The following CTHRC1 variants were observed in gnomAD, a reference collection of about 807,000 sequenced individuals.
The protein encoded by CTHRC1 is collagen triple helix repeat-containing protein 1.
CTHRC1 carries 21 observed loss-of-function variants against 25.9 expected under a neutral mutation model. The observed-to-expected ratio is 0.81, with a 90% CI of 0.57 to 1.17. The LOEUF is 1.17. Ranked by LOEUF, CTHRC1 falls within the 50% of genes most tolerant of loss-of-function variation. The pLI is 0.00. For synonymous variants in CTHRC1, 109 were observed against 113.1 expected (o/e 0.96, Z 0.23); for missense variants, 281 against 304.3 (o/e 0.92, Z 0.57).
Position 103,371,548 on chromosome 8 carries a change from T to A in CTHRC1, c.-109T>A. The A allele has an allele frequency of 1.6e-6, 2 of 1,225,900 alleles. No homozygotes were observed. The highest frequency in any genetic ancestry group is 2.8e-5 in the South Asian group (2 of 71,550). 75.9% of individuals were successfully genotyped at this position (1,225,900 alleles called of 1,614,324 possible). A position where few individuals can be genotyped will look rare whatever the true frequency, so the allele number is the denominator to read the frequency against. On this transcript the variant is annotated 5_prime_UTR_variant, in exon 1 of 4. In the 5' UTR this introduces an upstream ATG that the reference lacks. Transcript: ENST00000330295. Reference sequence around the variant, plus strand: ...GAGAGGCGCGCGGGTGAAAGGCGCATTGATGCAGCCTGCGGCGGCCTCGGA... The same window carrying A: ...GAGAGGCGCGCGGGTGAAAGGCGCAATGATGCAGCCTGCGGCGGCCTCGGA...
intron 2 of CTHRC1, among the ~76,000 whole-genome samples, chr8:103,376,568 G>C (rs1815810783): frequency 6.6e-6 from 1 of 152,210 alleles, no homozygotes; most frequent in Non-Finnish European, 1.5e-5. Context: ...TTTGATTAGT[G>C]TTTGCTTCAA....
intron 1 of CTHRC1, among the ~76,000 whole-genome samples, chr8:103,375,189 T>C (rs1815783301): frequency 6.6e-6 from 1 of 152,210 alleles, no homozygotes; most frequent in Non-Finnish European, 1.5e-5. Flanking sequence ...CAGTACAAGA[T>C]AATTATTGAC....
chr8:103,382,623 C>T lies in CTHRC1; in HGVS notation c.*23C>T, dbSNP rs767725797. 12 of 1,592,080 alleles carry T rather than the reference C, an allele frequency of 7.5e-6. No individual in the cohort carries two copies. The African/African-American group carries it at 8.1e-5, about 11-fold the overall frequency. On this transcript the variant is annotated 3_prime_UTR_variant, in exon 4 of 4. Coordinates refer to ENST00000330295, the MANE Select transcript of CTHRC1 (RefSeq NM_138455.4). Reference sequence around the variant, plus strand: ...TAAATGCTTTAATTTTCATTTGCTACCTCTTTTTTTATTATGCCTTGGAAT... The same window carrying T: ...TAAATGCTTTAATTTTCATTTGCTATCTCTTTTTTTATTATGCCTTGGAAT...
rs202192964 is a variant in CTHRC1 at position 103,371,660 on chromosome 8, C to T, written c.4C>T (p.Arg2Ter). 7 of 1,533,926 alleles carry T rather than the reference C, an allele frequency of 4.6e-6. No individual in the cohort carries two copies. In the South Asian group the frequency reaches 6.1e-5, roughly 13 times the overall value. Residue 2 changes from arginine to a stop codon, truncating the protein, a stop_gained, in exon 1 of 4, where the codon CGA becomes TGA. Coordinates refer to ENST00000330295, the MANE Select transcript of CTHRC1 (RefSeq NM_138455.4). LOFTEE classifies it high-confidence loss of function. The part of the protein sequence containing the change: M[R>*]PQGPAASPQR... ...CGCTGCCCGGCAGCCGGGAGCCATG[C>T]GACCCCAGGGCCCCGCCGCCTCCCC...
At chr8:103,380,868 GC>G (rs1272700373) in intron 3 of CTHRC1, among the ~76,000 whole-genome samples, 1 of 152,146 alleles carries the variant, frequency 6.6e-6, no homozygotes, top group East Asian at 1.9e-4. Context: ...GGGATTGTGG[GC>G]CTACTATTTA....
rs772240481 is a variant in CTHRC1, at chr8:103,371,691, G to A, written c.35G>A (p.Arg12Gln). ...CAGGGCCCCGCCGCCTCCCCGCAGC[G>A]GCTCCGCGGCCTCCTGCTGCTCCTG... Reference protein sequence around the residue: ...RPQGPAASPQRLRGLLLLLLL... With the variant: ...RPQGPAASPQQLRGLLLLLLL... The change falls in exon 1 of 4, where the codon CGG (arginine) becomes CAG (glutamine). Residue 12 changes from arginine (R) to glutamine (Q), a missense_variant. Coordinates refer to ENST00000330295, the MANE Select transcript of CTHRC1 (RefSeq NM_138455.4). 6.5e-6 allele frequency: 10 copies of A among 1,533,138 alleles called. No homozygotes were observed. Among genetic ancestry groups the A allele is most frequent in the African/African-American group, 4.3e-5 (3 of 70,374 alleles). The allele number at this position is 1,533,138 out of a possible 1,614,324, so 95.0% of individuals were successfully genotyped here.
At chr8:103,376,812 T>C (rs1029753758) in intron 2 of CTHRC1, among the ~76,000 whole-genome samples, 13 of 152,264 alleles carry the variant, frequency 8.5e-5, no homozygotes, top group African/African-American at 2.7e-4. Context: ...TTCTGCTCTA[T>C]TAAGAGTTTG....
At position 103,375,890 on chromosome 8, in the gene CTHRC1, C is replaced by CT. The variant is rs750617028; in HGVS notation, c.304dup (p.Trp102LeufsTer34). ...GTCTGAGGGAAAGCTTTGAGGAGTC[C>CT]TGGACACCCAACTACAAGCAGTGTT... is the stretch of plus-strand genomic sequence containing the variant. On this transcript the variant is annotated frameshift_variant, in exon 2 of 4. Transcript: ENST00000330295. LOFTEE classifies it high-confidence loss of function. The CT allele has an allele frequency of 1.2e-6, 2 of 1,614,058 alleles. No homozygotes were observed. The highest frequency in any genetic ancestry group is 1.7e-6 in the Non-Finnish European group (2 of 1,179,998).
In CTHRC1 at chr8:103,371,740, G is replaced by A. The variant is rs1188037522; in HGVS notation, c.84G>A (p.Ser28=). 3 of 1,535,072 alleles carry A rather than the reference G, an allele frequency of 2.0e-6. No individual in the cohort carries two copies. Among genetic ancestry groups the A allele is most frequent in the Admixed American group, 2.0e-5 (1 of 49,926 alleles). ...LLLLLQLPAP[S]SASEIPKGKQ... Reference sequence around the variant, plus strand: ...TGCTGCTGCAGCTGCCCGCGCCGTCGAGCGCCTCTGAGATCCCCAAGGGGA... The same window carrying A: ...TGCTGCTGCAGCTGCCCGCGCCGTCAAGCGCCTCTGAGATCCCCAAGGGGA... Residue 28 remains serine (S), a synonymous_variant, in exon 1 of 4, where the codon TCG becomes TCA. Coordinates refer to ENST00000330295, the MANE Select transcript of CTHRC1 (RefSeq NM_138455.4).
Position 103,382,480 on chromosome 8 carries a change from T to G in CTHRC1, c.612T>G (p.Ile204Met). 6.2e-7 allele frequency: 1 copy of G among 1,613,850 alleles called. No individual in the cohort carries two copies. The highest frequency in any genetic ancestry group is 8.5e-7 in the Non-Finnish European group (1 of 1,179,828). The change falls in exon 4 of 4, where the codon ATT (isoleucine) becomes ATG (methionine). Residue 204 changes from isoleucine to methionine, a missense_variant. Ile to Met is a conservative substitution (Grantham distance 10, BLOSUM62 1). Transcript: ENST00000330295. Reference protein sequence around the residue: ...TSSVEGLCEGIGAGLVDVAIW... With the variant: ...TSSVEGLCEGMGAGLVDVAIW... ...CAGTGGAAGGACTTTGTGAAGGAAT[T>G]GGTGCTGGATTAGTGGATGTTGCTA...
At chr8:103,378,310 A>G in intron 3 of CTHRC1, 67 bp downstream of exon 3, 3 of 1,304,880 alleles carry the variant, frequency 2.3e-6, no homozygotes, top group African/African-American at 2.9e-5. Context: ...GAGTCCCACT[A>G]TCATGTTGGT....
At chr8:103,371,933 T>G (rs1815712339) in intron 1 of CTHRC1, 127 bp downstream of exon 1, 1 of 941,776 alleles carries the variant, frequency 1.1e-6, no homozygotes, top group Middle Eastern at 3.5e-4. Context: ...TCGTGTGTCT[T>G]GCTGCGCCGG....
rs1050683688 is a variant in CTHRC1, at chr8:103,375,756, C to T, written c.169C>T (p.Gln57Ter). 1 of 1,613,878 alleles carries T rather than the reference C, an allele frequency of 6.2e-7. No homozygotes were observed. The highest frequency in any genetic ancestry group is 8.5e-7 in the Non-Finnish European group (1 of 1,179,960). Residue 57 changes from glutamine (Q) to a stop codon, truncating the protein, a stop_gained, in exon 2 of 4, where the codon CAA becomes TAA. Coordinates refer to ENST00000330295, the MANE Select transcript of CTHRC1 (RefSeq NM_138455.4). LOFTEE classifies it high-confidence loss of function. Reference protein sequence around the residue: ...VVDLYNGMCLQGPAGVPGRDG... With the variant: ...VVDLYNGMCL ...ATTATAGTATAATGGAATGTGCTTA[C>T]AAGGGCCAGCAGGAGTGCCTGGTCG... is the stretch of plus-strand genomic sequence containing the variant.
chr8:103,377,095 A>G (rs1368089529), intron 2 of CTHRC1: 2 of 152,242 alleles, frequency 1.3e-5, no homozygotes, highest in South Asian at 2.1e-4. Flanking sequence ...GTAACCTTCT[A>G]TGAGTAAAGG....
At position 103,382,445 on chromosome 8, in the gene CTHRC1, C is replaced by G. The variant is rs145549155; in HGVS notation, c.590-13C>G. 53 of 1,613,524 alleles carry G rather than the reference C, an allele frequency of 3.3e-5. No homozygotes were observed. The African/African-American group carries it at 5.6e-4, about 17-fold the overall frequency. ...TTCTAAAGAAAGATGTAACTTTCAT[C>G]TTTGTCTTGCAGTGGAAGGACTTTG... On this transcript the variant is annotated splice_polypyrimidine_tract_variant and intron_variant, in intron 3 of 3. Transcript: ENST00000330295.
In CTHRC1 at chr8:103,378,085, C is replaced by T. The variant is rs1563709374; in HGVS notation, c.431C>T (p.Ser144Leu). The change falls in exon 3 of 4, where the codon TCA becomes TTA. Residue 144 changes from serine (S) to leucine (L), a missense_variant. Ser to Leu is a moderately radical substitution (Grantham distance 145). Coordinates refer to ENST00000330295, the MANE Select transcript of CTHRC1 (RefSeq NM_138455.4). ...NSALRVLFSG[S>L]LRLKCRNACC... ...GCTCTAAGAGTTTTGTTCAGTGGCT[C>T]ACTTCGGCTAAAATGCAGAAATGCA... The T allele has an allele frequency of 6.2e-7, 1 of 1,614,194 alleles. No individual in the cohort carries two copies. The highest frequency in any genetic ancestry group is 8.5e-7 in the Non-Finnish European group (1 of 1,180,020).
intron 3 of CTHRC1, 138 bp downstream of exon 3, chr8:103,378,381 G>T (rs1256156048): frequency 2.8e-6 from 2 of 725,632 alleles, no homozygotes; most frequent in East Asian, 5.4e-5. Flanking sequence ...TCCACCCTGG[G>T]TTGTACTTCT....
At chr8:103,372,202 A>C (rs2130393020) in intron 1 of CTHRC1, among the ~76,000 whole-genome samples, 1 of 151,526 alleles carries the variant, frequency 6.6e-6, no homozygotes, top group African/African-American at 2.4e-5. Flanking sequence ...CCTGGGAAAA[A>C]CCCTGGCCTC....
chr8:103,379,054 C>T (rs1815858894), intron 3 of CTHRC1, among the ~76,000 whole-genome samples: 1 of 152,044 alleles, frequency 6.6e-6, no homozygotes, highest in South Asian at 2.1e-4. Context: ...ACCACTGGCT[C>T]AGACTAATAA....
Sources: gnomAD v4.1 joint callset for allele counts (sites outside exome capture counted in the v4.1 genomes callset) on GRCh38, gnomAD v4.1.1 for gene constraint, MANE v1.5 for transcripts, NCBI Gene and HGNC (gene_info 2026-07-23, HGNC 2026-07-21) for gene names.